GRID1: variants seen among roughly 807,000 people sequenced by gnomAD.
The protein encoded by GRID1 is glutamate ionotropic receptor delta type subunit 1.
In GRID1, 28 loss-of-function variants were observed where a neutral mutation model predicts 98.0. The observed-to-expected ratio is 0.29, with a 90% CI of 0.21 to 0.39. The LOEUF (loss-of-function observed/expected upper bound fraction) is 0.39. Among genes scored for constraint, GRID1 ranks in the 10% least tolerant of loss-of-function variants. The pLI is 1.00. For missense variants in GRID1, 1,111 were observed against 1,340.5 expected, an observed-to-expected ratio of 0.83 and a Z score of 2.67; for synonymous variants, 553 against 538.5, an observed-to-expected ratio of 1.03 and a Z score of -0.37.
intron 4 of GRID1, among the ~76,000 whole-genome samples, chr10:85,973,354 CT>C (rs1357933623): frequency 6.6e-6 from 1 of 152,074 alleles, no homozygotes; most frequent in Admixed American, 6.6e-5. Flanking sequence ...ATGTAGCCTA[CT>C]TTTTGCTATT....
intron 13 of GRID1, among the ~76,000 whole-genome samples, chr10:85,629,825 C>A (rs1444531794): frequency 6.6e-6 from 1 of 152,186 alleles, no homozygotes; most frequent in East Asian, 1.9e-4. Context: ...ACACTCCCAC[C>A]AGCATTGTAG....
intron 13 of GRID1, 49 bp from the exon 14 acceptor site, chr10:85,620,082 T>C (rs777502305): frequency 1.3e-6 from 2 of 1,517,826 alleles, no homozygotes; most frequent in Non-Finnish European, 1.8e-6. Context: ...GCCAGCTGTG[T>C]CAGCTTTGAT....
At chr10:86,111,450 T>G (rs1844482709) in intron 4 of GRID1, among the ~76,000 whole-genome samples, 1 of 152,150 alleles carries the variant, frequency 6.6e-6, no homozygotes, top group Non-Finnish European at 1.5e-5. Flanking sequence ...CAACACAACA[T>G]GATTTTGCCC....
intron 2 of GRID1, among the ~76,000 whole-genome samples, chr10:86,284,491 C>G (rs945547397): frequency 8.5e-5 from 13 of 152,248 alleles, no homozygotes; most frequent in African/African-American, 2.9e-4. Context: ...CACCAGCTCG[C>G]AGGACACACC....
chr10:85,643,415 G>C (rs1843147661), intron 13 of GRID1, among the ~76,000 whole-genome samples: 1 of 152,092 alleles, frequency 6.6e-6, no homozygotes, highest in Non-Finnish European at 1.5e-5. Flanking sequence ...CTCACTTAGG[G>C]CACAGCCATC....
intron 8 of GRID1, among the ~76,000 whole-genome samples, chr10:85,843,958 C>T (rs935638268): frequency 3.9e-5 from 6 of 152,000 alleles, no homozygotes; most frequent in Non-Finnish European, 8.8e-5. Context: ...AAAACCTGTA[C>T]ACAAATGCTC....
At chr10:85,968,344 G>A (rs1290319491) in intron 4 of GRID1, among the ~76,000 whole-genome samples, 3 of 151,682 alleles carry the variant, frequency 2.0e-5, no homozygotes, top group Admixed American at 6.6e-5. Context: ...CCAGCTACTC[G>A]GGAGGCTGAG....
At chr10:86,143,992 C>T (rs187895719) in intron 3 of GRID1, among the ~76,000 whole-genome samples, 1 of 152,140 alleles carries the variant, frequency 6.6e-6, no homozygotes, top group East Asian at 1.9e-4. Context: ...CCAAGCCTGC[C>T]GGAGTCCTGC....
intron 8 of GRID1, among the ~76,000 whole-genome samples, chr10:85,826,423 T>A (rs1289512329): frequency 6.6e-6 from 1 of 152,060 alleles, no homozygotes; most frequent in Non-Finnish European, 1.5e-5. Flanking sequence ...ATGACTAGCA[T>A]CCCCAATGAC....
chr10:85,861,413 C>A (rs1373095304), intron 6 of GRID1, among the ~76,000 whole-genome samples: 1 of 152,232 alleles, frequency 6.6e-6, no homozygotes, highest in East Asian at 1.9e-4. Flanking sequence ...TGAGCCACAC[C>A]TTTCAGGGCT....
chr10:85,798,063 G>T (rs77687076), intron 8 of GRID1, among the ~76,000 whole-genome samples: 5,016 of 152,248 alleles, frequency 0.033, 122 homozygotes, highest in Non-Finnish European at 0.047. Flanking sequence ...TGAATACATG[G>T]TGATGACCAT....
At chr10:85,895,702 G>T (rs771956180) in intron 5 of GRID1, among the ~76,000 whole-genome samples, 1 of 152,104 alleles carries the variant, frequency 6.6e-6, no homozygotes, top group Non-Finnish European at 1.5e-5. Context: ...TGGAAGAAAT[G>T]GCTTTTCATA....
intron 4 of GRID1, among the ~76,000 whole-genome samples, chr10:86,137,674 A>G (rs1844948478): frequency 6.6e-6 from 1 of 152,180 alleles, no homozygotes; most frequent in African/African-American, 2.4e-5. Context: ...ATCACTTCAT[A>G]CAGGGCAACA....
intron 2 of GRID1, among the ~76,000 whole-genome samples, chr10:86,225,315 C>T (rs960091672): frequency 6.6e-6 from 1 of 152,176 alleles, no homozygotes; most frequent in African/African-American, 2.4e-5. Context: ...AAGGAAACTG[C>T]CCAGGATGAG....
At chr10:85,988,863 C>T (rs961274158) in intron 4 of GRID1, among the ~76,000 whole-genome samples, 8 of 152,190 alleles carry the variant, frequency 5.3e-5, no homozygotes, top group Non-Finnish European at 1.0e-4. Flanking sequence ...AAATGACTCC[C>T]ATGAAGGAAG....
At chr10:86,318,457 C>T (rs2132093242) in intron 2 of GRID1, among the ~76,000 whole-genome samples, 1 of 152,364 alleles carries the variant, frequency 6.6e-6, no homozygotes, top group Middle Eastern at 3.4e-3. Flanking sequence ...GGCCAGCCCA[C>T]ACCAGGGGTC....
chr10:86,073,693 T>C (rs568284814), intron 4 of GRID1, among the ~76,000 whole-genome samples: 1 of 152,322 alleles, frequency 6.6e-6, no homozygotes, highest in East Asian at 1.9e-4. Context: ...CACCACTTGA[T>C]GCCAGGGTGA....
chr10:85,905,481 T>TTTAAGATTA (rs1460621595), intron 5 of GRID1, among the ~76,000 whole-genome samples: 1 of 152,066 alleles, frequency 6.6e-6, no homozygotes, highest in African/African-American at 2.4e-5. Flanking sequence ...GAGAAAAGTA[T>TTTAAGATTA]TTAAGATTAT....
chr10:86,212,961 T>C (rs978558707), intron 2 of GRID1, among the ~76,000 whole-genome samples: 3 of 151,796 alleles, frequency 2.0e-5, no homozygotes, highest in African/African-American at 7.3e-5. Flanking sequence ...GGCCCTGGAG[T>C]GAGCTGGCTC....
Sources: gnomAD v4.1 joint callset for allele counts (sites outside exome capture counted in the v4.1 genomes callset) on GRCh38, gnomAD v4.1.1 for gene constraint, MANE v1.5 for transcripts, NCBI Gene and HGNC (gene_info 2026-07-23, HGNC 2026-07-21) for gene names.